HEATR4: variants seen among roughly 807,000 people sequenced by gnomAD.
The protein encoded by HEATR4 is HEAT repeat-containing protein 4.
A neutral mutation model predicts 108.8 loss-of-function variants in HEATR4; 95 were observed. The ratio of observed to expected loss-of-function variants is 0.87; its 90% confidence interval spans 0.74 to 1.04. The LOEUF is 1.04. Ranked by LOEUF, HEATR4 falls within the 50% of genes least tolerant of loss-of-function variation. The probability of loss-of-function intolerance (pLI) is 0.00; values close to 1 mark genes in which losing one functional copy is unlikely to be tolerated. For missense variants in HEATR4, 1,152 were observed against 1,253.8 expected, an observed-to-expected ratio of 0.92 and a Z score of 1.23; for synonymous variants, 443 against 459.4, an observed-to-expected ratio of 0.96 and a Z score of 0.46.
chr14:73,595,780 G>T, the HEATR4 span: 1 of 1,216,758 alleles, frequency 8.2e-7, no homozygotes, highest in Non-Finnish European at 1.1e-6. Context: ...TGTATTTTAC[G>T]TAACTTTGTT....
At position 73,520,987 on chromosome 14, in the gene HEATR4, T is replaced by C. The variant is rs755565229; in HGVS notation, c.934A>G (p.Lys312Glu). The change falls in exon 4 of 18, where the codon AAG becomes GAG. Residue 312 changes from lysine (K) to glutamate (E), a missense_variant. Lys to Glu is a moderately conservative substitution (Grantham distance 56). Transcript: ENST00000553558. ...TTTTCATGGATATCCTCAGTGCTCT[T>C]GTTGCCAGGCATGATCTCAACTGTC... ...AETVEIMPGNKSTEDIHEKTS... is the reference protein window; with the variant it reads ...AETVEIMPGNESTEDIHEKTS... 6.2e-7 allele frequency: 1 copy of C among 1,613,836 alleles called. No individual in the cohort carries two copies. Among genetic ancestry groups the C allele is most frequent in the South Asian group, 1.1e-5 (1 of 91,064 alleles).
At chr14:73,601,837 A>T in the HEATR4 span, among the ~76,000 whole-genome samples, 1 of 152,170 alleles carries the variant, frequency 6.6e-6, no homozygotes, top group African/African-American at 2.4e-5. Context: ...TAGACCATGG[A>T]ATTCAAATGA....
intron 15 of HEATR4, among the ~76,000 whole-genome samples, chr14:73,495,694 C>G (rs775358539): frequency 1.3e-5 from 2 of 152,110 alleles, no homozygotes; most frequent in African/African-American, 2.4e-5. Context: ...TATACCTGTT[C>G]GTGAAAATTT....
At chr14:73,565,165 GA>G in the HEATR4 span, among the ~76,000 whole-genome samples, 1 of 152,006 alleles carries the variant, frequency 6.6e-6, no homozygotes, top group East Asian at 1.9e-4. Context: ...TTACTTAAAA[GA>G]AATTCCTAGA....
In HEATR4 at chr14:73,498,219, C is replaced by T. The variant is rs1441495214; in HGVS notation, c.2482G>A (p.Gly828Arg). 2 of 1,614,074 alleles carry T rather than the reference C, an allele frequency of 1.2e-6. No homozygotes were observed. The highest frequency in any genetic ancestry group is 8.5e-7 in the Non-Finnish European group (1 of 1,180,012). ...AGGAAGGTGTCCCTGACCCGGTCCC[C>T]TTGAAGTTTCAGGGCTAGGATGCTA... ...CRSILALKLQGDRVRDTFLDV... is the reference protein window; with the variant it reads ...CRSILALKLQRDRVRDTFLDV... Residue 828 changes from glycine to arginine, a missense_variant, in exon 14 of 18, where the codon GGG (glycine) becomes AGG (arginine). Coordinates refer to ENST00000553558, the MANE Select transcript of HEATR4 (RefSeq NM_001220484.1).
At chr14:73,519,600 C>T (rs967528381) in intron 4 of HEATR4, among the ~76,000 whole-genome samples, 2 of 152,028 alleles carry the variant, frequency 1.3e-5, no homozygotes, top group Non-Finnish European at 1.5e-5. Context: ...CAAAAATTAG[C>T]TGGGTACAGC....
At chr14:73,573,370 G>A in the HEATR4 span, 490 of 1,613,458 alleles carry the variant, frequency 3.0e-4, 7 homozygotes, top group Non-Finnish European at 3.9e-4. Flanking sequence ...TTTGCATTTT[G>A]TTTTGTTTCT....
chr14:73,508,118 G>A lies in HEATR4; in HGVS notation c.1881+16C>T, dbSNP rs115388894. The A allele has an allele frequency of 1.1e-4, 181 of 1,611,598 alleles. No homozygotes were observed. In the African/African-American group the frequency reaches 1.5e-3, roughly 14 times the overall value. ...TGCTCCCCAAAACTGTGTCTGACCC[G>A]GTAATGGACACATACTGTCTTCTCA... is the stretch of plus-strand genomic sequence containing the variant. On this transcript the variant is annotated intron_variant, in intron 9 of 17. Transcript: ENST00000553558.
intron 17 of HEATR4, chr14:73,491,167 G>A (rs1479345852): frequency 3.1e-6 from 5 of 1,603,416 alleles, no homozygotes; most frequent in South Asian, 1.1e-5. Context: ...TATCCCGCAT[G>A]GCAGCGCTGA....
chr14:73,536,496 G>A (rs1888866209), intron 1 of HEATR4, among the ~76,000 whole-genome samples: 1 of 86,316 alleles, frequency 1.2e-5, no homozygotes. Context: ...GACTGGCAAC[G>A]TAGTGAGACC....
the HEATR4 span, chr14:73,581,132 C>CTTTTTTTTTTTTT: frequency 6.9e-6 from 1 of 144,310 alleles, no homozygotes; most frequent in Non-Finnish European, 1.5e-5. Flanking sequence ...TCACCTCACA[C>CTTTTTTTTTTTTT]TTTTTTTTTT....
intron 14 of HEATR4, among the ~76,000 whole-genome samples, chr14:73,497,853 C>T (rs867618871): frequency 2.6e-5 from 4 of 151,698 alleles, no homozygotes; most frequent in Non-Finnish European, 5.9e-5. Context: ...CTCAAACTCC[C>T]GACCTCAGGT....
intron 7 of HEATR4, among the ~76,000 whole-genome samples, chr14:73,510,039 TC>T (rs1222648975): frequency 1.3e-5 from 2 of 149,518 alleles, no homozygotes; most frequent in African/African-American, 4.9e-5. Context: ...TTTTTAGTAT[TC>T]TTAGTAGAGA....
chr14:73,498,377 G>C, intron 13 of HEATR4, 33 bp from the exon 14 acceptor site: 1 of 1,536,802 alleles, frequency 6.5e-7, no homozygotes, highest in Non-Finnish European at 8.9e-7. Flanking sequence ...TGTCACTGAA[G>C]ACTGAGCTTA....
intron 1 of HEATR4, among the ~76,000 whole-genome samples, chr14:73,531,423 C>CTT (rs767285896): frequency 5.3e-5 from 5 of 93,576 alleles, no homozygotes; most frequent in Non-Finnish European, 6.8e-5. Context: ...AGTTTTTCGT[C>CTT]TTTTTTTTTT....
At chr14:73,583,933 C>A in the HEATR4 span, among the ~76,000 whole-genome samples, 2 of 151,584 alleles carry the variant, frequency 1.3e-5, no homozygotes, top group Non-Finnish European at 2.9e-5. Context: ...CCCGGGAGGC[C>A]GAGGTTGCAG....
chr14:73,498,374 G>A, intron 13 of HEATR4, 30 bp from the exon 14 acceptor site: 2 of 1,545,406 alleles, frequency 1.3e-6, no homozygotes, highest in Non-Finnish European at 1.8e-6. Context: ...GCATGTCACT[G>A]AAGACTGAGC....
the HEATR4 span, among the ~76,000 whole-genome samples, chr14:73,577,925 A>C: frequency 2.0e-5 from 3 of 151,826 alleles, no homozygotes; most frequent in Non-Finnish European, 4.4e-5. Flanking sequence ...ATCTTGGCTC[A>C]CTGCAACCTC....
intron 7 of HEATR4, among the ~76,000 whole-genome samples, chr14:73,510,118 C>G (rs1440225467): frequency 3.3e-5 from 5 of 151,554 alleles, no homozygotes; most frequent in Non-Finnish European, 5.9e-5. Flanking sequence ...GCCTCAGCCT[C>G]CCAAAGTGCT....
Sources: allele counts gnomAD v4.1 joint callset (sites outside exome capture counted in the v4.1 genomes callset), GRCh38; gene constraint gnomAD v4.1.1; transcripts MANE v1.5; gene names NCBI Gene and HGNC (gene_info 2026-07-23, HGNC 2026-07-21).